CA4: variants seen among roughly 807,000 people sequenced by gnomAD.
The protein encoded by CA4 is CA-IV.
Under a neutral mutation model 34.5 loss-of-function variants are expected in CA4, and 24 were observed. That is an observed-to-expected ratio of 0.70 (90% CI 0.50 to 0.98). The LOEUF is 0.98. Ranked by LOEUF, CA4 falls within the 50% of genes least tolerant of loss-of-function variation. The pLI is 0.00. For missense variants in CA4, 394 were observed against 396.7 expected (o/e 0.99, Z 0.06); for synonymous variants, 178 against 170.6 (o/e 1.04, Z -0.34).
At chr17:60,169,308 T>C (rs1483444687) in intron 5 of CA4, among the ~76,000 whole-genome samples, 1 of 150,982 alleles carries the variant, frequency 6.6e-6, no homozygotes, top group African/African-American at 2.4e-5. Flanking sequence ...CGCAGATTCA[T>C]GGAGATACTA....
chr17:60,150,167 G>A, intron 1 of CA4, 75 bp downstream of exon 1: 1 of 1,274,860 alleles, frequency 7.8e-7, no homozygotes, highest in Non-Finnish European at 1.1e-6. Flanking sequence ...CCCTGCAGAG[G>A]ATCCCCCCGC....
chr17:60,167,713 G>A (rs2083869340), intron 5 of CA4, among the ~76,000 whole-genome samples: 2 of 152,184 alleles, frequency 1.3e-5, no homozygotes, highest in African/African-American at 4.8e-5. Flanking sequence ...CTTGAACAGC[G>A]GTTTCCACAT....
In CA4 at chr17:60,157,518, C is replaced by T; in HGVS notation, c.360C>T (p.Asp120=). The T allele has an allele frequency of 6.2e-7, 1 of 1,614,216 alleles. No individual in the cohort carries two copies. Among genetic ancestry groups the T allele is most frequent in the South Asian group, 1.1e-5 (1 of 91,086 alleles). The change falls in exon 4 of 8, where the codon GAC becomes GAT. Residue 120 remains aspartate (D), a synonymous_variant. Transcript: ENST00000300900. ...AACAGTTGCACCTGCACTGGTCCGA[C>T]TTGCCATATAAGGGCTCGGAGCACA... is the stretch of plus-strand genomic sequence containing the variant. ...QAKQLHLHWS[D]LPYKGSEHSL...
downstream of CA4, among the ~76,000 whole-genome samples, chr17:60,161,801 G>A (rs542240051): frequency 6.6e-6 from 1 of 152,126 alleles, no homozygotes; most frequent in African/African-American, 2.4e-5. Context: ...CCTGTCAGCG[G>A]GGGGTGTGTG....
At chr17:60,155,523 A>ACTCT (rs1216768588) in intron 2 of CA4, among the ~76,000 whole-genome samples, 156 bp downstream of exon 2, 6 of 146,294 alleles carry the variant, frequency 4.1e-5, no homozygotes, top group African/African-American at 7.8e-5. Flanking sequence ...ACACACACAC[A>ACTCT]CTCTCTCTCT....
chr17:60,170,383 C>T (rs1428593507), intron 5 of CA4, among the ~76,000 whole-genome samples: 1 of 152,182 alleles, frequency 6.6e-6, no homozygotes, highest in East Asian at 1.9e-4. Context: ...TCCTTCCCAT[C>T]CCACCTCTGA....
At position 60,158,089 on chromosome 17, in the gene CA4, A is replaced by T; in HGVS notation, c.542A>T (p.Gln181Leu). ...EAGTQVNEGFQPLVEALSNIP... is the reference protein window; with the variant it reads ...EAGTQVNEGFLPLVEALSNIP... ...GGAACCCAGGTGAACGAGGGCTTCCAGCCACTGGTGGAGGCACTGTCTAAT... is the reference window on the plus strand; with the variant it reads ...GGAACCCAGGTGAACGAGGGCTTCCTGCCACTGGTGGAGGCACTGTCTAAT... Residue 181 changes from glutamine (Q) to leucine (L), a missense_variant, in exon 6 of 8, where the codon CAG becomes CTG. By Grantham distance (113) the Gln-to-Leu change is moderately radical. Transcript: ENST00000300900. 1 of 1,613,994 alleles carries T rather than the reference A, an allele frequency of 6.2e-7. No homozygotes were observed. The highest frequency in any genetic ancestry group is 8.5e-7 in the Non-Finnish European group (1 of 1,179,966).
downstream of CA4, among the ~76,000 whole-genome samples, chr17:60,175,601 G>A (rs941617704): frequency 3.5e-5 from 5 of 141,632 alleles, no homozygotes; most frequent in African/African-American, 2.7e-5. Context: ...CCTAGGAGTT[G>A]GAGTTTGCAG....
intron 5 of CA4, among the ~76,000 whole-genome samples, chr17:60,167,673 G>A (rs2083868917): frequency 6.6e-6 from 1 of 152,220 alleles, no homozygotes; most frequent in African/African-American, 2.4e-5. Flanking sequence ...TCCTTCAGGG[G>A]CTGACACAGT....
the CA4 span, among the ~76,000 whole-genome samples, chr17:60,177,954 A>T: frequency 7.9e-5 from 12 of 152,214 alleles, no homozygotes; most frequent in Admixed American, 5.2e-4. Context: ...AGTATATATT[A>T]AAAAACTACA....
intron 2 of CA4, among the ~76,000 whole-genome samples, 183 bp from the exon 3 acceptor site, chr17:60,156,377 G>A (rs1332496156): frequency 1.3e-5 from 2 of 152,176 alleles, no homozygotes; most frequent in Non-Finnish European, 2.9e-5. Context: ...AGGAGGAGGA[G>A]GAGGGCCCAG....
chr17:60,150,234 C>A, intron 1 of CA4, 142 bp downstream of exon 1: 1 of 677,172 alleles, frequency 1.5e-6, no homozygotes, highest in African/African-American at 1.9e-5. Flanking sequence ...GCGCCGGGGG[C>A]CGCGAGGGTG....
intron 5 of CA4, among the ~76,000 whole-genome samples, chr17:60,168,669 C>T (rs2083883191): frequency 6.6e-6 from 1 of 152,056 alleles, no homozygotes; most frequent in African/African-American, 2.4e-5. Context: ...CAACTCTGGC[C>T]CCTGGTGTCC....
chr17:60,178,606 A>G, the CA4 span, among the ~76,000 whole-genome samples: 1 of 152,210 alleles, frequency 6.6e-6, no homozygotes, highest in Non-Finnish European at 1.5e-5. Flanking sequence ...CCTCCCTTTC[A>G]GACTGACCAC....
chr17:60,156,654 C>T lies in CA4; in HGVS notation c.207C>T (p.Arg69=). ...CAAAGGTGGACAAAAAACTGGGACGCTTCTTCTTCTCTGGCTACGATAAGA... is the reference window on the plus strand; with the variant it reads ...CAAAGGTGGACAAAAAACTGGGACGTTTCTTCTTCTCTGGCTACGATAAGA... ...TKAKVDKKLG[R]FFFSGYDKKQ... Residue 69 remains arginine, a synonymous_variant, in exon 3 of 8, where the codon CGC becomes CGT. Coordinates refer to ENST00000300900, the MANE Select transcript of CA4 (RefSeq NM_000717.5). The T allele has an allele frequency of 1.2e-5, 19 of 1,614,000 alleles. No individual in the cohort carries two copies. Among genetic ancestry groups the T allele is most frequent in the Non-Finnish European group, 1.5e-5 (18 of 1,179,870 alleles).
chr17:60,152,757 G>T (rs913091626), intron 1 of CA4, among the ~76,000 whole-genome samples: 2 of 152,198 alleles, frequency 1.3e-5, no homozygotes, highest in Non-Finnish European at 2.9e-5. Context: ...AACTGTCATG[G>T]TGCAAATGCC....
At position 60,156,511 on chromosome 17, in the gene CA4, C is replaced by A. The variant is rs780285754; in HGVS notation, c.113-49C>A. The A allele has an allele frequency of 2.7e-5, 43 of 1,601,800 alleles. 1 individual carries two copies. Among genetic ancestry groups the A allele is most frequent in the Admixed American group, 3.3e-5 (2 of 59,992 alleles). ...CTTCAGTGGGGTGGTGGGGGCTACACCTTGGTGCCAGGCACCCGACTCTCA... is the reference window on the plus strand; with the variant it reads ...CTTCAGTGGGGTGGTGGGGGCTACAACTTGGTGCCAGGCACCCGACTCTCA... On this transcript the variant is annotated intron_variant, in intron 2 of 7. Coordinates refer to ENST00000300900, the MANE Select transcript of CA4 (RefSeq NM_000717.5).
downstream of CA4, among the ~76,000 whole-genome samples, chr17:60,161,732 G>A (rs546092683): frequency 8.6e-5 from 13 of 151,982 alleles, no homozygotes; most frequent in South Asian, 2.5e-3. Flanking sequence ...CCCTTCCCTG[G>A]TGACCACGCA....
chr17:60,160,139 G>T (rs1287541384), downstream of CA4, among the ~76,000 whole-genome samples: 1 of 152,122 alleles, frequency 6.6e-6, no homozygotes, highest in Non-Finnish European at 1.5e-5. Flanking sequence ...GAGAGAAGAG[G>T]CTGCTTGGCT....
Sources: gnomAD v4.1 joint callset for allele counts (sites outside exome capture counted in the v4.1 genomes callset) on GRCh38, gnomAD v4.1.1 for gene constraint, MANE v1.5 for transcripts, NCBI Gene and HGNC (gene_info 2026-07-23, HGNC 2026-07-21) for gene names.